Variants in KIRREL3 observed in about 807,000 individuals in gnomAD.
The protein encoded by KIRREL3 is kin of IRRE-like protein 3.
KIRREL3 carries 36 observed loss-of-function variants against 89.7 expected under a neutral mutation model. That is an observed-to-expected ratio of 0.40 (90% CI 0.31 to 0.53). KIRREL3 has a LOEUF of 0.53. Among genes scored for constraint, KIRREL3 ranks in the 20% least tolerant of loss-of-function variants. KIRREL3 has a pLI of 0.49. For synonymous variants in KIRREL3, 445 were observed against 441.4 expected (o/e 1.01, Z -0.10); for missense variants, 864 against 1,056.6 (o/e 0.82, Z 2.53).
Position 126,576,115 on chromosome 11 carries a change from T to C in KIRREL3, c.56-13203A>G, listed in dbSNP as rs1179440372. On this transcript the variant is annotated intron_variant, in intron 1 of 16. Coordinates refer to ENST00000525144, the MANE Select transcript of KIRREL3 (RefSeq NM_032531.4). The surrounding 1 kb of genome is among the most constrained non-coding windows in gnomAD (Gnocchi z 5.4). ...CGAGTAACTCCACAGACAGGGATGA[T>C]CTACTCTAATGTTCAACAGATTAAT... 6.6e-6 allele frequency among the ~76,000 whole-genome samples: 1 copy of C among 152,170 alleles called. No individual in the cohort carries two copies. Among genetic ancestry groups the C allele is most frequent in the South Asian group, 2.1e-4 (1 of 4,820 alleles).
chr11:126,668,739 T>TC lies in KIRREL3; in HGVS notation c.56-105828_56-105827insG, dbSNP rs1421118273. Among the ~76,000 whole-genome samples, 7 of 80,580 alleles carry TC rather than the reference T, an allele frequency of 8.7e-5. No homozygotes were observed. In the South Asian group the frequency reaches 1.3e-3, roughly 15 times the overall value. The allele number at this position is 80,580 out of a possible 152,430, so 52.9% of individuals were successfully genotyped here. On this transcript the variant is annotated intron_variant, in intron 1 of 16. Transcript: ENST00000525144. This position sits in a 1 kb window ranked among gnomAD's most constrained non-coding sequence, Gnocchi z 4.4. The stretch of plus-strand genomic sequence containing the variant: ...TTTCTTTCTTTCTTTCTTTCTTTCT[T>TC]TCTTTCTTTCTTTCTTTTTTCTCTT...
intron 1 of KIRREL3, among the ~76,000 whole-genome samples, chr11:126,921,955 G>C (rs1016343675): frequency 1.4e-5 from 2 of 139,176 alleles, no homozygotes; most frequent in African/African-American, 5.5e-5. Flanking sequence ...CCTATCATCT[G>C]TATATCTATA....
chr11:126,450,027 C>T (rs117171871), intron 7 of KIRREL3, among the ~76,000 whole-genome samples: 4,960 of 152,330 alleles, frequency 0.033, 126 homozygotes, highest in Middle Eastern at 0.068. Flanking sequence ...TAGGGGAGGA[C>T]AGGAGGCCTC....
In KIRREL3 at chr11:126,997,031, C is replaced by T. The variant is rs1000458250; in HGVS notation, c.55+3424G>A. On this transcript the variant is annotated intron_variant, in intron 1 of 16. Transcript: ENST00000525144. This position sits in a 1 kb window ranked among gnomAD's most constrained non-coding sequence, Gnocchi z 4.3. ...CTCCCCTGTCTATCTCCCCTGTCTCCGAGGTGGAGATCAGAGATCTCCCTG... is the reference window on the plus strand; with the variant it reads ...CTCCCCTGTCTATCTCCCCTGTCTCTGAGGTGGAGATCAGAGATCTCCCTG... Among the ~76,000 whole-genome samples the T allele has an allele frequency of 5.9e-5, 9 of 152,110 alleles. No individual in the cohort carries two copies. The highest frequency in any genetic ancestry group is 2.1e-4 in the South Asian group (1 of 4,824).
At position 126,521,301 on chromosome 11, in the gene KIRREL3, C is replaced by T; in HGVS notation, c.433+14G>A. 6.5e-7 allele frequency: 1 copy of T among 1,528,344 alleles called. No homozygotes were observed. The allele number at this position is 1,528,344 out of a possible 1,614,324, so 94.7% of individuals were successfully genotyped here. A position where few individuals can be genotyped will look rare whatever the true frequency, so the allele number is the denominator to read the frequency against. On this transcript the variant is annotated intron_variant, in intron 4 of 16. Transcript: ENST00000525144. This position sits in a 1 kb window ranked among gnomAD's most constrained non-coding sequence, Gnocchi z 4.1. The stretch of plus-strand genomic sequence containing the variant: ...TCACGCAGTGTCCCAGCCCCGTGTG[C>T]AGATGGTTCTTACCCAGGACTGTGA...
At chr11:126,712,332 A>G (rs995880684) in intron 1 of KIRREL3, among the ~76,000 whole-genome samples, 1 of 151,854 alleles carries the variant, frequency 6.6e-6, no homozygotes, top group African/African-American at 2.4e-5. Flanking sequence ...TCACTTATCA[A>G]AGCAATTCCC....
At chr11:126,753,405 G>A (rs115610973) in intron 1 of KIRREL3, among the ~76,000 whole-genome samples, 2,338 of 152,296 alleles carry the variant, frequency 0.015, 84 homozygotes, top group African/African-American at 0.053. Context: ...GGATGTAGAC[G>A]GCCCCCTTCC....
intron 1 of KIRREL3, among the ~76,000 whole-genome samples, chr11:126,678,906 A>G (rs186302887): frequency 6.6e-6 from 1 of 152,334 alleles, no homozygotes; most frequent in East Asian, 1.9e-4. Flanking sequence ...GTTGAATTCG[A>G]TTACAATGAT....
intron 1 of KIRREL3, among the ~76,000 whole-genome samples, chr11:126,585,220 CT>C (rs3042225): frequency 0.05 from 4,038 of 81,402 alleles, 28 homozygotes; most frequent in Non-Finnish European, 0.064. Flanking sequence ...CGCCCGGCCT[CT>C]TTTTTTTTTT....
rs1204088297 is a variant in KIRREL3, at chr11:126,495,617, AC to A, written c.434-22152del. On this transcript the variant is annotated intron_variant, in intron 4 of 16. Transcript: ENST00000525144. This position sits in a 1 kb window ranked among gnomAD's most constrained non-coding sequence, Gnocchi z 6.5. ...CAGCAGATGCCTCAGGAAGGAAGCG[AC>A]CCTGTTGTGTCCTCCCTGCTGTGAC... is the stretch of plus-strand genomic sequence containing the variant. 2.0e-5 allele frequency among the ~76,000 whole-genome samples: 3 copies of A among 152,048 alleles called. No homozygotes were observed. The highest frequency in any genetic ancestry group is 4.4e-5 in the Non-Finnish European group (3 of 68,012).
intron 1 of KIRREL3, among the ~76,000 whole-genome samples, chr11:126,820,415 G>A (rs569566578): frequency 6.6e-6 from 1 of 152,286 alleles, no homozygotes; most frequent in African/African-American, 2.4e-5. Flanking sequence ...GCTAATGGCA[G>A]CTTCCATGAT....
At chr11:126,456,175 C>T (rs1046284339) in intron 7 of KIRREL3, among the ~76,000 whole-genome samples, 174 bp downstream of exon 7, 2 of 150,374 alleles carry the variant, frequency 1.3e-5, no homozygotes, top group Non-Finnish European at 3.0e-5. Flanking sequence ...GAGGAAGGGT[C>T]CACACGGCTA....
At position 126,805,328 on chromosome 11, in the gene KIRREL3, GA is replaced by G. The variant is rs1273870024; in HGVS notation, c.55+195126del. Among the ~76,000 whole-genome samples, 8 of 152,162 alleles carry G rather than the reference GA, an allele frequency of 5.3e-5. No homozygotes were observed. Among genetic ancestry groups the G allele is most frequent in the African/African-American group, 1.9e-4 (8 of 41,424 alleles). ...CCATTCATCAGTCAGCATTGATATG[GA>G]GAGGGAAAGGAGATTACCCTATTAC... On this transcript the variant is annotated intron_variant, in intron 1 of 16. Coordinates refer to ENST00000525144, the MANE Select transcript of KIRREL3 (RefSeq NM_032531.4). This position sits in a 1 kb window ranked among gnomAD's most constrained non-coding sequence, Gnocchi z 4.3.
rs113979953 is a variant in KIRREL3, at chr11:126,538,308, C to T, written c.134-11621G>A. On this transcript the variant is annotated intron_variant, in intron 2 of 16. Transcript: ENST00000525144. ...TACTTATACTGGGGTTATTTATTGCCGGCTTTCTCCCAGCCTGGAGCTTGT... is the reference window on the plus strand; with the variant it reads ...TACTTATACTGGGGTTATTTATTGCTGGCTTTCTCCCAGCCTGGAGCTTGT... Among the ~76,000 whole-genome samples, 1,022 of 152,248 alleles carry T rather than the reference C, an allele frequency of 6.7e-3. 6 individuals are homozygous for T. The highest frequency in any genetic ancestry group is 0.023 in the African/African-American group (958 of 41,540).
At chr11:126,861,836 G>A (rs983195176) in intron 1 of KIRREL3, among the ~76,000 whole-genome samples, 10 of 152,354 alleles carry the variant, frequency 6.6e-5, no homozygotes, top group African/African-American at 1.7e-4. Flanking sequence ...AGGTGTGGAC[G>A]TCCAAAAGGC....
In KIRREL3 at chr11:126,627,714, C is replaced by T. The variant is rs1943851575; in HGVS notation, c.56-64802G>A. 6.6e-6 allele frequency among the ~76,000 whole-genome samples: 1 copy of T among 152,180 alleles called. No individual in the cohort carries two copies. Among genetic ancestry groups the T allele is most frequent in the Admixed American group, 6.5e-5 (1 of 15,280 alleles). ...CATTAGCTCCAGAGAAGGGAGATGGCATTGGCGGCAGGAGGGAGGGAGAAG... is the reference window on the plus strand; with the variant it reads ...CATTAGCTCCAGAGAAGGGAGATGGTATTGGCGGCAGGAGGGAGGGAGAAG... On this transcript the variant is annotated intron_variant, in intron 1 of 16. Transcript: ENST00000525144. This position sits in a 1 kb window ranked among gnomAD's most constrained non-coding sequence, Gnocchi z 5.0.
intron 1 of KIRREL3, among the ~76,000 whole-genome samples, chr11:126,583,859 G>A (rs1329918331): frequency 1.3e-5 from 2 of 152,220 alleles, no homozygotes; most frequent in Admixed American, 6.5e-5. Flanking sequence ...GAGGCAGCCA[G>A]GTAGGGAGGC....
intron 1 of KIRREL3, among the ~76,000 whole-genome samples, chr11:126,583,292 A>T (rs972476887): frequency 6.6e-6 from 1 of 152,234 alleles, no homozygotes. Flanking sequence ...GCTCTAGGGC[A>T]ATAAGCCATC....
intron 1 of KIRREL3, among the ~76,000 whole-genome samples, chr11:126,675,698 TA>T (rs1426643406): frequency 6.6e-6 from 1 of 151,846 alleles, no homozygotes; most frequent in African/African-American, 2.4e-5. Flanking sequence ...AAGTAGGGAG[TA>T]AAAAGGAACT....
Sources: gnomAD v4.1 joint callset for allele counts (sites outside exome capture counted in the v4.1 genomes callset) on GRCh38, gnomAD v4.1.1 for gene constraint, Gnocchi (gnomAD v3.1) non-coding constraint, MANE v1.5 for transcripts, NCBI Gene and HGNC (gene_info 2026-07-23, HGNC 2026-07-21) for gene names.